Variants in IGHMBP2 observed in about 807,000 individuals in gnomAD.
IGHMBP2 encodes the protein immunoglobulin mu DNA binding protein 2, also known as DNA-binding protein SMUBP-2.
In IGHMBP2, 81 loss-of-function variants were observed where a neutral mutation model predicts 96.0. The ratio of observed to expected loss-of-function variants is 0.84; its 90% CI spans 0.71 to 1.01. The LOEUF (loss-of-function observed/expected upper bound fraction) is 1.01. IGHMBP2 is among the 50% of genes least tolerant of loss of function. IGHMBP2 has a pLI of 0.00. For missense variants in IGHMBP2, 1,227 were observed against 1,306.3 expected (o/e 0.94, Z 0.94); for synonymous variants, 557 against 548.9 (o/e 1.01, Z -0.21).
At chr11:68,911,686 C>A in intron 5 of IGHMBP2, 83 bp downstream of exon 5, 1 of 1,321,368 alleles carries the variant, frequency 7.6e-7, no homozygotes, top group Non-Finnish European at 1.1e-6. Flanking sequence ...GACCTTTCAG[C>A]CTCAGTTCTG....
intron 1 of IGHMBP2, among the ~76,000 whole-genome samples, chr11:68,905,370 T>C (rs1858149196): frequency 6.6e-6 from 1 of 152,230 alleles, no homozygotes; most frequent in African/African-American, 2.4e-5. Flanking sequence ...GAGCCTTACT[T>C]ACTTCATCTG....
At chr11:68,938,105 T>G in intron 13 of IGHMBP2, 77 bp from the exon 14 acceptor site, 3 of 1,500,184 alleles carry the variant, frequency 2.0e-6, no homozygotes, top group Non-Finnish European at 2.8e-6. Context: ...TGCTTAGCCA[T>G]GAATTGATTT....
chr11:68,918,835 G>A (rs1055759478), intron 7 of IGHMBP2, among the ~76,000 whole-genome samples: 1 of 152,168 alleles, frequency 6.6e-6, no homozygotes, highest in African/African-American at 2.4e-5. Context: ...TCTTCCCAAA[G>A]AACCAGCTTT....
chr11:68,929,169 CCT>C lies in IGHMBP2; in HGVS notation c.1061-13_1061-12del, dbSNP rs1859176946. On this transcript the variant is annotated splice_polypyrimidine_tract_variant and intron_variant, in intron 7 of 14. Coordinates refer to ENST00000255078, the MANE Select transcript of IGHMBP2 (RefSeq NM_002180.3). ...CTGTGCCCCTGGAGACTCCCGGCTC[CCT>C]GTTTCCACCAGGTGCGTCTGCCGAT... The C allele has an allele frequency of 6.2e-7, 1 of 1,611,160 alleles. No homozygotes were observed. The highest frequency in any genetic ancestry group is 8.5e-7 in the Non-Finnish European group (1 of 1,179,960).
chr11:68,906,228 C>T lies in IGHMBP2; in HGVS notation c.246C>T (p.Ser82=), dbSNP rs1057524376. The change falls in exon 2 of 15, where the codon AGC becomes AGT. Residue 82 remains serine (S), a synonymous_variant. Transcript: ENST00000255078. ...YGSAAALPSN[S]FTSGDIVGLY... ...CCGCGGCAGCTCTTCCCAGTAACAG[C>T]TTTACTTCTGGTGTGTGCGTATTGA... is the stretch of plus-strand genomic sequence containing the variant. The T allele has an allele frequency of 3.7e-6, 6 of 1,613,952 alleles. No homozygotes were observed. Among genetic ancestry groups the T allele is most frequent in the Non-Finnish European group, 5.1e-6 (6 of 1,180,018 alleles).
intron 8 of IGHMBP2, among the ~76,000 whole-genome samples, chr11:68,931,371 G>C (rs895102325): frequency 1.3e-5 from 2 of 152,082 alleles, no homozygotes; most frequent in Non-Finnish European, 2.9e-5. Flanking sequence ...GCTTGTTCCC[G>C]GCTCCTGCCT....
rs1594460479 is a variant in IGHMBP2, at chr11:68,939,871, T to C, written c.*140T>C. 1.2e-6 allele frequency: 1 copy of C among 861,222 alleles called. No individual in the cohort carries two copies. The highest frequency in any genetic ancestry group is 1.8e-6 in the Non-Finnish European group (1 of 561,812). 53.3% of individuals were successfully genotyped at this position (861,222 alleles called of 1,614,324 possible). A position where few individuals can be genotyped will look rare whatever the true frequency, so the allele number is the denominator to read the frequency against. On this transcript the variant is annotated 3_prime_UTR_variant, in exon 15 of 15. Transcript: ENST00000255078. ...GAGCGGAGGGCCCTGTTGGGGAAGGTTGGGTTTTTGGACCCCAGGGATAAG... is the reference window on the plus strand; with the variant it reads ...GAGCGGAGGGCCCTGTTGGGGAAGGCTGGGTTTTTGGACCCCAGGGATAAG...
Position 68,907,085 on chromosome 11 carries a change from C to T in IGHMBP2, c.256+847C>T, listed in dbSNP as rs535308430. ...GACCAGCCTGGGCAACGTGGCAAAA[C>T]CCCATCTCTGCAAAAAAATAGAAAA... On this transcript the variant is annotated intron_variant, in intron 2 of 14. Coordinates refer to ENST00000255078, the MANE Select transcript of IGHMBP2 (RefSeq NM_002180.3). 5.3e-5 allele frequency among the ~76,000 whole-genome samples: 8 copies of T among 152,140 alleles called. 1 individual carries two copies. In the South Asian group the frequency reaches 1.7e-3, roughly 32 times the overall value.
intron 5 of IGHMBP2, 55 bp from the exon 6 acceptor site, chr11:68,914,768 A>T: frequency 6.3e-7 from 1 of 1,583,700 alleles, no homozygotes; most frequent in Non-Finnish European, 8.7e-7. Context: ...TTTAGTGTCA[A>T]CTTCAGTGGT....
At chr11:68,932,196 G>A (rs1859338504) in intron 8 of IGHMBP2, 1 of 152,820 alleles carries the variant, frequency 6.5e-6, no homozygotes, top group East Asian at 1.9e-4. Context: ...CCTGCAGAGA[G>A]TAGGATGGTT....
At chr11:68,938,156 G>A in intron 13 of IGHMBP2, 26 bp from the exon 14 acceptor site, 1 of 1,613,620 alleles carries the variant, frequency 6.2e-7, no homozygotes, top group Non-Finnish European at 8.5e-7. Context: ...CTTTCCGTTT[G>A]CCTGAGTGAC....
chr11:68,937,213 C>A, intron 13 of IGHMBP2, 122 bp downstream of exon 13: 1 of 1,265,312 alleles, frequency 7.9e-7, no homozygotes, highest in Non-Finnish European at 1.1e-6. Context: ...GTGCCCGTGT[C>A]ATTTTAGCTT....
In IGHMBP2 at chr11:68,912,425, C is replaced by T. The variant is rs182540930; in HGVS notation, c.711+822C>T. Among the ~76,000 whole-genome samples, 740 of 152,212 alleles carry T rather than the reference C, an allele frequency of 4.9e-3. 4 individuals are homozygous for T. The highest frequency in any genetic ancestry group is 0.017 in the African/African-American group (703 of 41,526). On this transcript the variant is annotated intron_variant, in intron 5 of 14. Transcript: ENST00000255078. ...GATTACAGGCATGAGCCACTGTGCC[C>T]GGCCCAGTTACATTTTTAATGGCTG...
At position 68,936,818 on chromosome 11, in the gene IGHMBP2, A is replaced by T. The variant is rs923120662; in HGVS notation, c.2338A>T (p.Ile780Phe). ...TTCCGGGGAAGGGAAGAGGAGGTTCATCACTGTGAGCAAGAGGGCCCCGCG... is the reference window on the plus strand; with the variant it reads ...TTCCGGGGAAGGGAAGAGGAGGTTCTTCACTGTGAGCAAGAGGGCCCCGCG... ...DSSGEGKRRF[I>F]TVSKRAPRPR... The change falls in exon 13 of 15, where the codon ATC becomes TTC. Residue 780 changes from isoleucine to phenylalanine, a missense_variant. Ile to Phe is a conservative substitution (Grantham distance 21). Coordinates refer to ENST00000255078, the MANE Select transcript of IGHMBP2 (RefSeq NM_002180.3). 6.2e-7 allele frequency: 1 copy of T among 1,613,800 alleles called. No homozygotes were observed. Among genetic ancestry groups the T allele is most frequent in the African/African-American group, 1.3e-5 (1 of 74,946 alleles).
At chr11:68,916,414 A>G (rs954904663) in intron 6 of IGHMBP2, among the ~76,000 whole-genome samples, 1 of 152,016 alleles carries the variant, frequency 6.6e-6, no homozygotes, top group East Asian at 1.9e-4. Flanking sequence ...ACACTCCGAC[A>G]CTTTTGAGCT....
chr11:68,905,171 G>C (rs1385059909), intron 1 of IGHMBP2, among the ~76,000 whole-genome samples: 5 of 152,192 alleles, frequency 3.3e-5, no homozygotes, highest in Admixed American at 3.3e-4. Context: ...ACTTGCCCCG[G>C]GGTGACACAG....
intron 2 of IGHMBP2, among the ~76,000 whole-genome samples, chr11:68,907,582 AT>A (rs1296081764): frequency 6.6e-6 from 1 of 152,150 alleles, no homozygotes; most frequent in African/African-American, 2.4e-5. Flanking sequence ...GGAGTTTTAA[AT>A]TTCATATTTT....
intron 4 of IGHMBP2, among the ~76,000 whole-genome samples, chr11:68,908,880 G>T (rs1394354893): frequency 1.5e-5 from 2 of 135,202 alleles, no homozygotes; most frequent in Non-Finnish European, 3.1e-5. Flanking sequence ...TTGCTCTGTT[G>T]CCCAGGCTGG....
chr11:68,907,847 G>A (rs1658031720), intron 2 of IGHMBP2, among the ~76,000 whole-genome samples: 1 of 151,942 alleles, frequency 6.6e-6, no homozygotes, highest in African/African-American at 2.4e-5. Flanking sequence ...CCGCCACCAC[G>A]CCTGGCTAAT....
Sources: allele counts gnomAD v4.1 joint callset (sites outside exome capture counted in the v4.1 genomes callset), GRCh38; gene constraint gnomAD v4.1.1; transcripts MANE v1.5; gene names NCBI Gene and HGNC (gene_info 2026-07-23, HGNC 2026-07-21).